FFAR4: variants seen among roughly 807,000 people sequenced by gnomAD.
FFAR4 encodes the protein G-protein coupled receptor 120.
FFAR4 carries 19 observed loss-of-function variants against 27.0 expected under a neutral mutation model. The observed-to-expected ratio is 0.70, with a 90% confidence interval of 0.49 to 1.03. The LOEUF is 1.03. Ranked by LOEUF, FFAR4 falls within the 50% of genes least tolerant of loss-of-function variation. The probability of loss-of-function intolerance (pLI) is 0.00; values close to 1 mark genes in which losing one functional copy is unlikely to be tolerated. For missense variants in FFAR4, 476 were observed against 479.0 expected, an observed-to-expected ratio of 0.99 and a Z score of 0.06; for synonymous variants, 254 against 215.6, an observed-to-expected ratio of 1.18 and a Z score of -1.56.
intron 1 of FFAR4, among the ~76,000 whole-genome samples, chr10:93,575,220 G>C (rs1343630585): frequency 6.6e-6 from 1 of 152,158 alleles, no homozygotes; most frequent in East Asian, 1.9e-4. Context: ...TTGTTTTCTA[G>C]ACAGTTTTGT....
chr10:93,572,460 G>T (rs1039377800), intron 1 of FFAR4, among the ~76,000 whole-genome samples: 1 of 152,190 alleles, frequency 6.6e-6, no homozygotes, highest in Non-Finnish European at 1.5e-5. Context: ...GACGGTGCTG[G>T]AAGCGTTGGC....
intron 2 of FFAR4, among the ~76,000 whole-genome samples, chr10:93,577,318 C>T (rs1332725305): frequency 6.6e-6 from 1 of 152,164 alleles, no homozygotes; most frequent in African/African-American, 2.4e-5. Flanking sequence ...GAAGTGGTGC[C>T]CTGTAGGGCC....
intron 2 of FFAR4, among the ~76,000 whole-genome samples, chr10:93,580,499 G>A (rs924043713): frequency 1.3e-5 from 2 of 152,182 alleles, no homozygotes; most frequent in African/African-American, 4.8e-5. Flanking sequence ...AAGGGTTTGG[G>A]AAATGCTGGG....
chr10:93,583,402 C>T (rs555527785), intron 2 of FFAR4, among the ~76,000 whole-genome samples: 3 of 145,152 alleles, frequency 2.1e-5, no homozygotes, highest in South Asian at 2.3e-4. Flanking sequence ...GGTGACAGAG[C>T]GAGACTCCGC....
intron 2 of FFAR4, among the ~76,000 whole-genome samples, chr10:93,580,750 C>A (rs1162568118): frequency 1.3e-5 from 2 of 152,132 alleles, no homozygotes; most frequent in Non-Finnish European, 2.9e-5. Flanking sequence ...TCAGAGCAGG[C>A]TTCGCCCTGG....
intron 1 of FFAR4, 96 bp downstream of exon 1, chr10:93,567,383 A>C: frequency 9.7e-7 from 1 of 1,035,162 alleles, no homozygotes; most frequent in Non-Finnish European, 1.4e-6. Context: ...AAGAACAACA[A>C]TAGCCATTTA....
At chr10:93,584,712 TG>T (rs2058217391) in intron 2 of FFAR4, among the ~76,000 whole-genome samples, 2 of 145,394 alleles carry the variant, frequency 1.4e-5, no homozygotes, top group South Asian at 4.2e-4. Context: ...TACAAGTTTT[TG>T]TTTTTTTTTT....
chr10:93,586,034 A>G (rs1263088620), intron 2 of FFAR4, among the ~76,000 whole-genome samples: 3 of 152,166 alleles, frequency 2.0e-5, no homozygotes, highest in African/African-American at 7.2e-5. Flanking sequence ...GGCCTGCCAC[A>G]CTGGTATGCC....
intron 2 of FFAR4, among the ~76,000 whole-genome samples, chr10:93,578,706 G>A (rs139724845): frequency 9.1e-4 from 138 of 152,250 alleles, no homozygotes; most frequent in Middle Eastern, 6.8e-3. Flanking sequence ...AAATTATGAC[G>A]GTCGTGATTT....
chr10:93,585,438 T>C (rs1372991668), intron 2 of FFAR4, among the ~76,000 whole-genome samples: 1 of 152,240 alleles, frequency 6.6e-6, no homozygotes, highest in Non-Finnish European at 1.5e-5. Context: ...TCCTCTTTCT[T>C]GCTGGGGCAG....
intron 2 of FFAR4, 94 bp from the exon 3 acceptor site, chr10:93,587,126 G>A (rs2058232062): frequency 6.2e-6 from 7 of 1,135,582 alleles, no homozygotes; most frequent in African/African-American, 1.6e-5. Context: ...TCAGTGCCTT[G>A]GGGATAGCAG....
At chr10:93,584,103 C>A (rs1173015738) in intron 2 of FFAR4, among the ~76,000 whole-genome samples, 1 of 152,246 alleles carries the variant, frequency 6.6e-6, no homozygotes, top group Non-Finnish European at 1.5e-5. Context: ...TCTCTTAGAT[C>A]TAACAGCCAA....
intron 2 of FFAR4, 46 bp downstream of exon 2, chr10:93,576,265 G>A (rs940112638): frequency 1.2e-6 from 2 of 1,606,966 alleles, no homozygotes; most frequent in Middle Eastern, 1.7e-4. Context: ...CCAGGCTTGG[G>A]GTTATTTCTG....
Position 93,573,586 on chromosome 10 carries a change from C to T in FFAR4, c.568-2505C>T, listed in dbSNP as rs139944739. 5.2e-3 allele frequency among the ~76,000 whole-genome samples: 786 copies of T among 152,270 alleles called. 6 individuals are homozygous for T. The highest frequency in any genetic ancestry group is 7.4e-3 in the Non-Finnish European group (504 of 68,006). On this transcript the variant is annotated intron_variant, in intron 1 of 2. Coordinates refer to ENST00000371481, the MANE Select transcript of FFAR4 (RefSeq NM_001195755.2). ...CTGTTATTTTATTTTTTAATGAGAC[C>T]AGACAGTGCATTTAGTCAACAATAC...
intron 2 of FFAR4, among the ~76,000 whole-genome samples, chr10:93,584,174 T>C (rs1174215265): frequency 6.6e-6 from 1 of 152,256 alleles, no homozygotes; most frequent in Non-Finnish European, 1.5e-5. Flanking sequence ...TGATTCTACA[T>C]AATGACTTCC....
chr10:93,571,717 C>T (rs1197224472), intron 1 of FFAR4, among the ~76,000 whole-genome samples: 1 of 152,216 alleles, frequency 6.6e-6, no homozygotes, highest in African/African-American at 2.4e-5. Flanking sequence ...AGAAAGGAAG[C>T]ATCTCTTGCA....
Position 93,566,939 on chromosome 10 carries a change from G to A in FFAR4, c.219G>A (p.Ala73=), listed in dbSNP as rs532311130. 8.7e-6 allele frequency: 14 copies of A among 1,610,486 alleles called. No homozygotes were observed. The Admixed American group carries it at 2.2e-4, about 25-fold the overall frequency. Reference sequence around the variant, plus strand: ...TGGCGCGCCGACGACGCCGCGGCGCGACTGCCTGCCTGGTACTCAACCTCT... The same window carrying A: ...TGGCGCGCCGACGACGCCGCGGCGCAACTGCCTGCCTGGTACTCAACCTCT... ...VLVARRRRRG[A]TACLVLNLFC... The change falls in exon 1 of 3, where the codon GCG becomes GCA. Residue 73 remains alanine, a synonymous_variant. Coordinates refer to ENST00000371481, the MANE Select transcript of FFAR4 (RefSeq NM_001195755.2).
chr10:93,581,710 C>T (rs113123878), intron 2 of FFAR4, among the ~76,000 whole-genome samples: 2 of 152,170 alleles, frequency 1.3e-5, no homozygotes, highest in South Asian at 2.1e-4. Flanking sequence ...AAGAATCACC[C>T]GGGGAGTTTA....
chr10:93,579,354 G>C, intron 2 of FFAR4: 1 of 716,462 alleles, frequency 1.4e-6, no homozygotes, highest in Non-Finnish European at 2.4e-6. Context: ...CATTGGCCTT[G>C]AGGCTGTACT....
Sources: gnomAD v4.1 joint callset for allele counts (sites outside exome capture counted in the v4.1 genomes callset) on GRCh38, gnomAD v4.1.1 for gene constraint, MANE v1.5 for transcripts, NCBI Gene and HGNC (gene_info 2026-07-23, HGNC 2026-07-21) for gene names.